The following CWF19L2 variants were observed in gnomAD, a reference collection of about 807,000 sequenced individuals.
CWF19L2 encodes CWF19-like protein 2.
CWF19L2 carries 98 observed loss-of-function variants against 111.7 expected under a neutral mutation model. That is an observed-to-expected ratio of 0.88 (90% confidence interval 0.75 to 1.04). The LOEUF (loss-of-function observed/expected upper bound fraction) is 1.04, where lower values mean the gene tolerates loss of function less well. CWF19L2 is among the 50% of genes least tolerant of loss of function. The pLI, the probability that CWF19L2 is intolerant of heterozygous loss-of-function variation, is 0.00. For synonymous variants in CWF19L2, 351 were observed against 342.9 expected (o/e 1.02, Z -0.26); for missense variants, 1,101 against 1,051.4 (o/e 1.05, Z -0.65).
chr11:107,430,830 A>G (rs985018015), intron 7 of CWF19L2, among the ~76,000 whole-genome samples: 1 of 151,986 alleles, frequency 6.6e-6, no homozygotes, highest in Non-Finnish European at 1.5e-5. Context: ...ATATCACATT[A>G]TATACTGAAA....
chr11:107,336,004 G>A (rs1007587922), intron 15 of CWF19L2, among the ~76,000 whole-genome samples: 4 of 152,054 alleles, frequency 2.6e-5, no homozygotes, highest in South Asian at 2.1e-4. Flanking sequence ...GGCAGATCAC[G>A]AGGTCAAGAG....
chr11:107,393,681 C>T (rs1419522071), intron 10 of CWF19L2, among the ~76,000 whole-genome samples: 12 of 152,282 alleles, frequency 7.9e-5, no homozygotes, highest in Non-Finnish European at 1.6e-4. Context: ...GTGGTGTATA[C>T]ATGCCATGGA....
intron 8 of CWF19L2, among the ~76,000 whole-genome samples, chr11:107,421,154 C>T (rs927112495): frequency 6.6e-6 from 1 of 152,046 alleles, no homozygotes; most frequent in African/African-American, 2.4e-5. Context: ...GGAAAATCCT[C>T]AACTATAATA....
intron 8 of CWF19L2, among the ~76,000 whole-genome samples, chr11:107,420,262 A>G (rs950577752): frequency 1.3e-5 from 2 of 152,148 alleles, no homozygotes; most frequent in African/African-American, 4.8e-5. Context: ...GCAAAATTCA[A>G]CTACAAGAAA....
At chr11:107,330,163 T>C (rs1565240207) in intron 16 of CWF19L2, 144 bp from the exon 17 acceptor site, 1 of 467,088 alleles carries the variant, frequency 2.1e-6, no homozygotes, top group East Asian at 3.4e-5. Context: ...TCTAGAGATA[T>C]TTAAACAATG....
chr11:107,404,601 C>T (rs1015129883), intron 10 of CWF19L2: 5 of 581,098 alleles, frequency 8.6e-6, no homozygotes, highest in Non-Finnish European at 1.6e-5. Flanking sequence ...AGAAAAAGCA[C>T]CTGCAGCTCT....
intron 9 of CWF19L2, among the ~76,000 whole-genome samples, chr11:107,417,354 A>T (rs1026803657): frequency 1.3e-5 from 2 of 152,218 alleles, no homozygotes; most frequent in African/African-American, 4.8e-5. Flanking sequence ...TTACCAAATC[A>T]TCCCTATTTC....
At chr11:107,429,806 C>CAAAAAAAAAAAAAAAA (rs33980353) in intron 7 of CWF19L2, among the ~76,000 whole-genome samples, 1 of 105,698 alleles carries the variant, frequency 9.5e-6, no homozygotes, top group African/African-American at 3.4e-5. Flanking sequence ...AGATTCTCAC[C>CAAAAAAAAAAAAAAAA]AAAAAAAAAA....
intron 12 of CWF19L2, among the ~76,000 whole-genome samples, chr11:107,354,100 CT>C (rs58883142): frequency 0.26 from 38,045 of 143,998 alleles, 5,038 homozygotes; most frequent in Non-Finnish European, 0.33. Flanking sequence ...GAATGTGGAA[CT>C]TTTTTTTTTT....
chr11:107,456,730 A>T (rs1361935497), intron 1 of CWF19L2, among the ~76,000 whole-genome samples: 1 of 152,216 alleles, frequency 6.6e-6, no homozygotes, highest in Non-Finnish European at 1.5e-5. Context: ...TGCATATAAT[A>T]ATTCTTGGTG....
At chr11:107,423,193 T>C (rs967371327) in intron 8 of CWF19L2, among the ~76,000 whole-genome samples, 2 of 151,984 alleles carry the variant, frequency 1.3e-5, no homozygotes, top group South Asian at 2.1e-4. Flanking sequence ...GTCATTTTCA[T>C]TGTATTGCAA....
chr11:107,416,287 T>C lies in CWF19L2; in HGVS notation c.1539A>G (p.Glu513=). Residue 513 remains glutamate, a synonymous_variant, in exon 10 of 18, where the codon GAA becomes GAG. Transcript: ENST00000282251. ...AEMMGNMELA[E]QLKVQLEKAN... ...CCTTTTCAAGTTGAACTTTAAGTTG[T>C]TCAGCTAATTCCTTCAAAAAGAAAA... The C allele has an allele frequency of 7.0e-7, 1 of 1,435,992 alleles. No homozygotes were observed. Among genetic ancestry groups the C allele is most frequent in the Non-Finnish European group, 9.4e-7 (1 of 1,069,028 alleles). 89.0% of individuals were successfully genotyped at this position (1,435,992 alleles called of 1,614,324 possible). A position where few individuals can be genotyped will look rare whatever the true frequency, so the allele number is the denominator to read the frequency against.
chr11:107,442,969 CTT>C lies in CWF19L2; in HGVS notation c.418_419del (p.Lys140ValfsTer5). ...KEKAWKVKDE[K>X]SGKDDTQIIK... ...TAATTTGGGTGTCATCTTTTCCTGA[CTT>C]TTCATCTTTCACTTTCCAGGCTTTT... On this transcript the variant is annotated frameshift_variant, in exon 4 of 18. Transcript: ENST00000282251. LOFTEE classifies it high-confidence loss of function. 6.4e-7 allele frequency: 1 copy of C among 1,551,440 alleles called. No individual in the cohort carries two copies. The highest frequency in any genetic ancestry group is 1.4e-5 in the African/African-American group (1 of 73,130).
At chr11:107,339,188 G>C (rs1859970285) in intron 14 of CWF19L2, among the ~76,000 whole-genome samples, 1 of 152,030 alleles carries the variant, frequency 6.6e-6, no homozygotes, top group South Asian at 2.1e-4. Context: ...TTCATTGCTG[G>C]GAGTATTCCT....
intron 12 of CWF19L2, among the ~76,000 whole-genome samples, chr11:107,371,593 G>C (rs1474935342): frequency 4.4e-5 from 6 of 137,260 alleles, no homozygotes; most frequent in Non-Finnish European, 7.8e-5. Context: ...TGAGGTTCTA[G>C]TTATACACTA....
chr11:107,428,417 C>T (rs529766167), intron 8 of CWF19L2, among the ~76,000 whole-genome samples: 8 of 152,136 alleles, frequency 5.3e-5, no homozygotes, highest in Admixed American at 5.2e-4. Context: ...TATAGACATG[C>T]AGTATTTATG....
chr11:107,385,249 T>C (rs1035371792), intron 12 of CWF19L2, among the ~76,000 whole-genome samples: 5 of 152,184 alleles, frequency 3.3e-5, no homozygotes, highest in South Asian at 2.1e-4. Context: ...TGTACTTCCA[T>C]TGGCCCCACT....
chr11:107,363,462 C>A (rs58581174), intron 12 of CWF19L2, among the ~76,000 whole-genome samples: 2,351 of 151,372 alleles, frequency 0.016, 47 homozygotes, highest in African/African-American at 0.052. Flanking sequence ...CATCAGACTA[C>A]CAGCGGATCT....
intron 10 of CWF19L2, among the ~76,000 whole-genome samples, chr11:107,397,405 C>G (rs1860939945): frequency 1.3e-5 from 2 of 152,092 alleles, no homozygotes; most frequent in Admixed American, 1.3e-4. Context: ...TCCCCCACTT[C>G]CCTGACAACC....
Sources: gnomAD v4.1 joint callset for allele counts (sites outside exome capture counted in the v4.1 genomes callset) on GRCh38, gnomAD v4.1.1 for gene constraint, MANE v1.5 for transcripts, NCBI Gene and HGNC (gene_info 2026-07-23, HGNC 2026-07-21) for gene names.